Variants in PTGFR observed in about 807,000 individuals in gnomAD.
PTGFR encodes the protein prostaglandin F2-alpha receptor.
Under a neutral mutation model 26.2 loss-of-function variants are expected in PTGFR, and 15 were observed. The ratio of observed to expected loss-of-function variants is 0.57; its 90% CI spans 0.38 to 0.88. The LOEUF is 0.88. Among genes scored for constraint, PTGFR ranks in the 40% least tolerant of loss-of-function variants. The pLI, the probability that PTGFR is intolerant of heterozygous loss-of-function variation, is 0.00. For missense variants in PTGFR, 369 were observed against 427.2 expected, an observed-to-expected ratio of 0.86 and a Z score of 1.20; for synonymous variants, 165 against 151.1, an observed-to-expected ratio of 1.09 and a Z score of -0.68.
chr1:78,533,872 G>T (rs1046514103), intron 2 of PTGFR, among the ~76,000 whole-genome samples: 5 of 152,090 alleles, frequency 3.3e-5, no homozygotes, highest in African/African-American at 1.2e-4. Context: ...TGTTTTACGT[G>T]GCCCAAATGA....
At chr1:78,522,681 G>A (rs890264046) in intron 2 of PTGFR, among the ~76,000 whole-genome samples, 4 of 152,048 alleles carry the variant, frequency 2.6e-5, no homozygotes, top group African/African-American at 9.7e-5. Flanking sequence ...GCAGAAAAGA[G>A]GGATGAGGAA....
At chr1:78,512,051 C>T (rs1321162623) in intron 2 of PTGFR, among the ~76,000 whole-genome samples, 1 of 152,156 alleles carries the variant, frequency 6.6e-6, no homozygotes. Context: ...CTTCTGACAC[C>T]TCTTCAACCT....
intron 2 of PTGFR, among the ~76,000 whole-genome samples, chr1:78,528,725 G>A: frequency 6.6e-6 from 1 of 151,460 alleles, no homozygotes; most frequent in East Asian, 1.9e-4. Context: ...CGAGGCACAG[G>A]GAACCAACAC....
intron 2 of PTGFR, among the ~76,000 whole-genome samples, chr1:78,524,613 T>C (rs1490740163): frequency 1.3e-5 from 2 of 152,072 alleles, no homozygotes; most frequent in Non-Finnish European, 2.9e-5. Context: ...CCTTAGCTAG[T>C]GAACAATGTC....
At position 78,538,358 on chromosome 1, in the gene PTGFR, T is replaced by G. The variant is rs978926403; in HGVS notation, c.*1671T>G. 6.6e-6 allele frequency: 1 copy of G among 152,076 alleles called. No homozygotes were observed. The highest frequency in any genetic ancestry group is 1.5e-5 in the Non-Finnish European group (1 of 68,002). The allele number at this position is 152,076 out of a possible 1,614,324, so 9.4% of individuals were successfully genotyped here. The stretch of plus-strand genomic sequence containing the variant: ...TTGCTGTATTGCCATGATGTCACCC[T>G]GGCCATGTGTACTGACTTGAGGAGA... On this transcript the variant is annotated 3_prime_UTR_variant, in exon 3 of 3. Coordinates refer to ENST00000370757, the MANE Select transcript of PTGFR (RefSeq NM_000959.4).
chr1:78,496,268 T>C (rs962702540), intron 2 of PTGFR, among the ~76,000 whole-genome samples: 3 of 152,216 alleles, frequency 2.0e-5, no homozygotes, highest in Non-Finnish European at 4.4e-5. Context: ...TTTCTCTTTT[T>C]TTCTCTCACA....
chr1:78,531,849 C>T (rs942570699), intron 2 of PTGFR, among the ~76,000 whole-genome samples: 1 of 152,012 alleles, frequency 6.6e-6, no homozygotes, highest in Non-Finnish European at 1.5e-5. Flanking sequence ...GACATAGTTC[C>T]TACCCTCAAG....
chr1:78,532,119 T>G, intron 2 of PTGFR: 1 of 352,540 alleles, frequency 2.8e-6, no homozygotes, highest in South Asian at 2.0e-5. Flanking sequence ...TGAAATATTT[T>G]GTAACTAGAG....
Position 78,494,824 on chromosome 1 carries a change from T to C in PTGFR, c.798+1283T>C, listed in dbSNP as rs139413212. Among the ~76,000 whole-genome samples, 1,038 of 152,280 alleles carry C rather than the reference T, an allele frequency of 6.8e-3. 17 individuals are homozygous for C. Among genetic ancestry groups the C allele is most frequent in the African/African-American group, 0.024 (980 of 41,532 alleles). ...TTTCACCATGTTGGCCAGGCTAGTCTCAAACTCCTGACCTCGTAATCCTTC... is the reference window on the plus strand; with the variant it reads ...TTTCACCATGTTGGCCAGGCTAGTCCCAAACTCCTGACCTCGTAATCCTTC... On this transcript the variant is annotated intron_variant, in intron 2 of 2. Coordinates refer to ENST00000370757, the MANE Select transcript of PTGFR (RefSeq NM_000959.4).
At chr1:78,526,850 C>T (rs1346477295) in intron 2 of PTGFR, among the ~76,000 whole-genome samples, 1 of 152,036 alleles carries the variant, frequency 6.6e-6, no homozygotes, top group Non-Finnish European at 1.5e-5. Context: ...GGATAGAACA[C>T]AACTGTGCTG....
intron 2 of PTGFR, among the ~76,000 whole-genome samples, chr1:78,494,830 T>C (rs1433859383): frequency 2.0e-5 from 3 of 152,124 alleles, no homozygotes; most frequent in African/African-American, 7.2e-5. Context: ...AGTCTCAAAC[T>C]CCTGACCTCG....
chr1:78,503,334 A>G (rs1649753865), intron 2 of PTGFR, among the ~76,000 whole-genome samples: 1 of 152,154 alleles, frequency 6.6e-6, no homozygotes, highest in African/African-American at 2.4e-5. Flanking sequence ...TTTGGGTGAA[A>G]TGAAGCATTA....
chr1:78,515,787 C>T (rs778157814), intron 2 of PTGFR, among the ~76,000 whole-genome samples: 1 of 152,152 alleles, frequency 6.6e-6, no homozygotes, highest in East Asian at 1.9e-4. Context: ...GAAAGCTCCT[C>T]AGTGACAGAG....
At position 78,502,833 on chromosome 1, in the gene PTGFR, C is replaced by T. The variant is rs566418405; in HGVS notation, c.798+9292C>T. Among the ~76,000 whole-genome samples, 32 of 152,082 alleles carry T rather than the reference C, an allele frequency of 2.1e-4. 1 individual carries two copies. The South Asian group carries it at 6.6e-3, about 32-fold the overall frequency. On this transcript the variant is annotated intron_variant, in intron 2 of 2. Transcript: ENST00000370757. ...TTTAACTGTTCATAATGTCTATGGC[C>T]TTAAACAATAGTACTTATAAGATAA...
chr1:78,525,541 A>G (rs1452786470), intron 2 of PTGFR, among the ~76,000 whole-genome samples: 1 of 152,052 alleles, frequency 6.6e-6, no homozygotes, highest in Non-Finnish European at 1.5e-5. Flanking sequence ...ACCAGGGAAG[A>G]TCATCTGAAT....
intron 2 of PTGFR, among the ~76,000 whole-genome samples, chr1:78,535,704 T>C (rs545370761): frequency 2.2e-4 from 34 of 152,164 alleles, no homozygotes; most frequent in Non-Finnish European, 4.1e-4. Flanking sequence ...ACTGATTCCA[T>C]GAAATGATCT....
chr1:78,502,815 G>A (rs138571001), intron 2 of PTGFR, among the ~76,000 whole-genome samples: 8 of 152,170 alleles, frequency 5.3e-5, no homozygotes, highest in Non-Finnish European at 7.4e-5. Context: ...TAATTTAACT[G>A]TTCATAATGT....
chr1:78,499,670 A>T (rs1427900919), intron 2 of PTGFR, among the ~76,000 whole-genome samples: 1 of 152,196 alleles, frequency 6.6e-6, no homozygotes, highest in Non-Finnish European at 1.5e-5. Context: ...TAAGAATGTA[A>T]GTTGGAAGTA....
intron 2 of PTGFR, among the ~76,000 whole-genome samples, chr1:78,511,460 T>C (rs1456606647): frequency 6.6e-6 from 1 of 152,200 alleles, no homozygotes; most frequent in Non-Finnish European, 1.5e-5. Context: ...TGAGGCCCTT[T>C]GAGCCATGGC....
Sources: allele counts gnomAD v4.1 joint callset (sites outside exome capture counted in the v4.1 genomes callset), GRCh38; gene constraint gnomAD v4.1.1; transcripts MANE v1.5; gene names NCBI Gene and HGNC (gene_info 2026-07-23, HGNC 2026-07-21).